NAALADL2: variants seen among roughly 807,000 people sequenced by gnomAD.
NAALADL2 encodes N-acetylated alpha-linked acidic dipeptidase like 2.
In NAALADL2, 76 loss-of-function variants were observed where a neutral mutation model predicts 87.2. The observed-to-expected ratio is 0.87, with a 90% CI of 0.72 to 1.05. NAALADL2 has a LOEUF of 1.05. Among genes scored for constraint, NAALADL2 ranks in the 50% least tolerant of loss-of-function variants. The pLI, the probability that NAALADL2 is intolerant of heterozygous loss-of-function variation, is 0.00. For synonymous variants in NAALADL2, 354 were observed against 331.0 expected (o/e 1.07, Z -0.75); for missense variants, 1,089 against 945.8 (o/e 1.15, Z -1.99).
At chr3:175,571,647 A>G (rs1718093967) in intron 9 of NAALADL2, among the ~76,000 whole-genome samples, 1 of 152,194 alleles carries the variant, frequency 6.6e-6, no homozygotes, top group Non-Finnish European at 1.5e-5. Flanking sequence ...TTAGGATTGA[A>G]TATAGATTTA....
chr3:175,279,678 G>A (rs945266841), intron 4 of NAALADL2, among the ~76,000 whole-genome samples: 2 of 151,716 alleles, frequency 1.3e-5, no homozygotes, highest in African/African-American at 2.4e-5. Flanking sequence ...GAAATTTGAA[G>A]CAGGAAGAAT....
chr3:175,043,654 A>T (rs1343994951), intron 1 of NAALADL2, among the ~76,000 whole-genome samples: 1 of 152,036 alleles, frequency 6.6e-6, no homozygotes, highest in African/African-American at 2.4e-5. Context: ...CACATTGTGT[A>T]TTTTTGGTGC....
At chr3:175,502,714 C>CAT (rs898257781) in intron 9 of NAALADL2, among the ~76,000 whole-genome samples, 10 of 151,872 alleles carry the variant, frequency 6.6e-5, no homozygotes, top group Admixed American at 2.0e-4. Context: ...AGTATACATA[C>CAT]ATATATATAT....
chr3:174,862,030 G>A (rs16865212), intron 1 of NAALADL2, among the ~76,000 whole-genome samples: 26,931 of 151,810 alleles, frequency 0.18, 3,151 homozygotes, highest in African/African-American at 0.32. Flanking sequence ...TAACCCCAGC[G>A]GAGAATTGTG....
At chr3:175,497,003 T>C (rs552616005) in intron 9 of NAALADL2, among the ~76,000 whole-genome samples, 1 of 152,268 alleles carries the variant, frequency 6.6e-6, no homozygotes, top group Admixed American at 6.5e-5. Flanking sequence ...TAAATATTTA[T>C]ATAATTTGTT....
intron 1 of NAALADL2, among the ~76,000 whole-genome samples, chr3:174,459,070 A>C (rs150211992): frequency 3.6e-4 from 55 of 152,312 alleles, no homozygotes; most frequent in African/African-American, 1.3e-3. Flanking sequence ...GGTCTTTGAC[A>C]AAATGGGAAA....
chr3:174,724,279 T>G (rs1731980583), intron 2 of NAALADL2, among the ~76,000 whole-genome samples: 1 of 152,162 alleles, frequency 6.6e-6, no homozygotes, highest in Admixed American at 6.6e-5. Context: ...ATTTCTCAGT[T>G]TGGTTATAGA....
intron 2 of NAALADL2, among the ~76,000 whole-genome samples, chr3:175,178,998 C>T (rs13069338): frequency 0.73 from 110,383 of 151,828 alleles, 40,672 homozygotes; most frequent in Non-Finnish European, 0.8. Context: ...TCTTCACCAG[C>T]GTTTACCAAA....
chr3:175,603,942 A>C (rs563993770), intron 10 of NAALADL2, among the ~76,000 whole-genome samples: 21 of 152,274 alleles, frequency 1.4e-4, no homozygotes, highest in Non-Finnish European at 2.4e-4. Context: ...TGCGAGAACT[A>C]TGATTGCACC....
intron 3 of NAALADL2, among the ~76,000 whole-genome samples, chr3:175,247,283 C>CATAAA (rs1170411911): frequency 2.3e-5 from 2 of 86,018 alleles, no homozygotes; most frequent in Non-Finnish European, 5.1e-5. Flanking sequence ...CACACACACA[C>CATAAA]ACACATAAAA....
intron 2 of NAALADL2, among the ~76,000 whole-genome samples, chr3:174,662,551 A>G (rs966682878): frequency 4.6e-5 from 7 of 152,236 alleles, no homozygotes; most frequent in Non-Finnish European, 8.8e-5. Flanking sequence ...CCCAACAGGA[A>G]ATAAGCAAGG....
rs115361524 is a variant in NAALADL2 at position 175,203,018 on chromosome 3, A to G, written c.546-30913A>G. 4.8e-3 allele frequency among the ~76,000 whole-genome samples: 731 copies of G among 152,094 alleles called. 4 individuals carry two copies. The highest frequency in any genetic ancestry group is 0.017 in the African/African-American group (696 of 41,512). ...CCCCAAGTCTGTTTCCAGGTGGTGG[A>G]CGAGATGGACTTTAGAACTTGCCCC... On this transcript the variant is annotated intron_variant, in intron 2 of 13. Coordinates refer to ENST00000454872, the MANE Select transcript of NAALADL2 (RefSeq NM_207015.3).
At chr3:175,547,489 T>C (rs1319525021) in intron 9 of NAALADL2, among the ~76,000 whole-genome samples, 1 of 152,112 alleles carries the variant, frequency 6.6e-6, no homozygotes, top group Non-Finnish European at 1.5e-5. Flanking sequence ...ATTGAGGACA[T>C]AGGCATAGAC....
At chr3:175,686,710 T>C (rs114276990) in intron 11 of NAALADL2, among the ~76,000 whole-genome samples, 2,694 of 152,264 alleles carry the variant, frequency 0.018, 91 homozygotes, top group African/African-American at 0.062. Flanking sequence ...TAACAAATGG[T>C]TTCAAACAGC....
intron 11 of NAALADL2, among the ~76,000 whole-genome samples, chr3:175,721,253 CT>C (rs1356770955): frequency 6.6e-6 from 1 of 151,898 alleles, no homozygotes; most frequent in East Asian, 1.9e-4. Flanking sequence ...AATTCAATCT[CT>C]ACAGAAATAA....
At chr3:175,596,199 A>G (rs1276821057) in intron 10 of NAALADL2, among the ~76,000 whole-genome samples, 3 of 151,952 alleles carry the variant, frequency 2.0e-5, no homozygotes, top group Non-Finnish European at 4.4e-5. Context: ...ATTGGTCTGC[A>G]TGATTATCTA....
intron 2 of NAALADL2, among the ~76,000 whole-genome samples, chr3:174,625,055 C>CT (rs1483787362): frequency 2.3e-4 from 13 of 56,438 alleles, no homozygotes; most frequent in South Asian, 1.6e-3. Flanking sequence ...CTCTCTCTCT[C>CT]TCTTTTTTTT....
intron 11 of NAALADL2, among the ~76,000 whole-genome samples, chr3:175,677,742 T>G (rs1205182823): frequency 6.6e-6 from 1 of 152,204 alleles, no homozygotes. Flanking sequence ...CTTGTGTATA[T>G]ATTTTTAATA....
chr3:175,299,509 C>T (rs1756779233), intron 4 of NAALADL2, among the ~76,000 whole-genome samples: 1 of 152,058 alleles, frequency 6.6e-6, no homozygotes, highest in Non-Finnish European at 1.5e-5. Context: ...AGGTCCTTCA[C>T]ATCCCTTGTA....
Sources: gnomAD v4.1 joint callset for allele counts (sites outside exome capture counted in the v4.1 genomes callset) on GRCh38, gnomAD v4.1.1 for gene constraint, MANE v1.5 for transcripts, NCBI Gene and HGNC (gene_info 2026-07-23, HGNC 2026-07-21) for gene names.